Variants in ZNF804A observed in about 807,000 individuals in gnomAD.
The protein encoded by ZNF804A is zinc finger protein 804A.
ZNF804A carries 2 observed loss-of-function variants against 16.5 expected under a neutral mutation model. The observed-to-expected ratio is 0.12, with a 90% CI of 0.05 to 0.38. ZNF804A has a LOEUF of 0.38. ZNF804A is among the 10% of genes least tolerant of loss of function. The pLI, the probability that ZNF804A is intolerant of heterozygous loss-of-function variation, is 0.99. For missense variants in ZNF804A, 1,473 were observed against 1,390.7 expected (o/e 1.06, Z -0.94); for synonymous variants, 534 against 489.6 (o/e 1.09, Z -1.20).
At chr2:184,743,600 A>G (rs1176875856) in intron 1 of ZNF804A, among the ~76,000 whole-genome samples, 1 of 151,958 alleles carries the variant, frequency 6.6e-6, no homozygotes, top group East Asian at 1.9e-4. Context: ...CATACGTGGA[A>G]TGCATTGCAT....
chr2:184,858,485 C>T (rs1253238038), intron 1 of ZNF804A, among the ~76,000 whole-genome samples: 1 of 144,038 alleles, frequency 6.9e-6, no homozygotes, highest in Admixed American at 7.0e-5. Flanking sequence ...GCCTATGCAA[C>T]AGAGTGAGAC....
intron 2 of ZNF804A, among the ~76,000 whole-genome samples, chr2:184,877,630 T>C (rs1462201009): frequency 6.6e-6 from 1 of 152,084 alleles, no homozygotes; most frequent in African/African-American, 2.4e-5. Flanking sequence ...TCTAGTTGAA[T>C]ATGAGAATAA....
chr2:184,917,524 T>G (rs531783157), intron 2 of ZNF804A, among the ~76,000 whole-genome samples: 10 of 152,184 alleles, frequency 6.6e-5, no homozygotes, highest in Non-Finnish European at 1.2e-4. Context: ...TCAACTGTGT[T>G]CTGAAAATAG....
chr2:184,783,940 TCAC>T (rs1694409892), intron 1 of ZNF804A, among the ~76,000 whole-genome samples: 1 of 152,096 alleles, frequency 6.6e-6, no homozygotes, highest in South Asian at 2.1e-4. Context: ...TTTAAGACAA[TCAC>T]CACATTTAGA....
At chr2:184,869,832 A>G (rs190036014) in intron 2 of ZNF804A, among the ~76,000 whole-genome samples, 1 of 151,974 alleles carries the variant, frequency 6.6e-6, no homozygotes, top group Non-Finnish European at 1.5e-5. Context: ...GTTGCTTTGA[A>G]CTCTAAACTT....
intron 1 of ZNF804A, among the ~76,000 whole-genome samples, chr2:184,832,804 G>T (rs1289833564): frequency 6.6e-6 from 1 of 151,768 alleles, no homozygotes; most frequent in African/African-American, 2.4e-5. Flanking sequence ...TATACCAAAA[G>T]TTCATTGTGT....
At position 184,937,562 on chromosome 2, in the gene ZNF804A, CTGT is replaced by C. The variant is rs751299079; in HGVS notation, c.2172_2174del (p.Cys724del). The C allele has an allele frequency of 4.3e-6, 7 of 1,612,156 alleles. No individual in the cohort carries two copies. The highest frequency in any genetic ancestry group is 1.7e-4 in the Middle Eastern group (1 of 6,046). On this transcript the variant is annotated inframe_deletion, in exon 4 of 4. Coordinates refer to ENST00000302277, the MANE Select transcript of ZNF804A (RefSeq NM_194250.2). ...ATAATTTAACATATTCTAGAACTTA[CTGT>C]TGTTGGAAAACCAAAATGTCAAGCT... is the stretch of plus-strand genomic sequence containing the variant.
intron 1 of ZNF804A, among the ~76,000 whole-genome samples, chr2:184,679,524 T>C (rs1475701102): frequency 6.6e-6 from 1 of 152,070 alleles, no homozygotes; most frequent in Non-Finnish European, 1.5e-5. Flanking sequence ...ATCTCTGCAC[T>C]CCCGGGGGCT....
chr2:184,872,390 AT>A (rs1253333629), intron 2 of ZNF804A, among the ~76,000 whole-genome samples: 6 of 152,152 alleles, frequency 3.9e-5, no homozygotes, highest in African/African-American at 1.4e-4. Flanking sequence ...CAAAGCTATC[AT>A]TATATTATTC....
intron 2 of ZNF804A, among the ~76,000 whole-genome samples, chr2:184,908,051 A>C (rs1283297056): frequency 6.6e-6 from 1 of 152,136 alleles, no homozygotes. Context: ...CTTGGGTACT[A>C]TATTAGTTTC....
chr2:184,820,570 A>C (rs1695060731), intron 1 of ZNF804A, among the ~76,000 whole-genome samples: 1 of 152,172 alleles, frequency 6.6e-6, no homozygotes. Context: ...TTGCAAGGAC[A>C]ATCAGGCAAG....
chr2:184,764,678 G>A (rs1300738310), intron 1 of ZNF804A, among the ~76,000 whole-genome samples: 1 of 152,010 alleles, frequency 6.6e-6, no homozygotes, highest in Non-Finnish European at 1.5e-5. Context: ...GAAATGTAAT[G>A]TCTATAAATA....
rs144783531 is a variant in ZNF804A at position 184,847,130 on chromosome 2, C to T, written c.112-19239C>T. ...CAGTTCTCAGAAATGTGAACATTAA[C>T]GTATCTTTCTTTATTACTGTTGAGT... On this transcript the variant is annotated intron_variant, in intron 1 of 3. Coordinates refer to ENST00000302277, the MANE Select transcript of ZNF804A (RefSeq NM_194250.2). Among the ~76,000 whole-genome samples the T allele has an allele frequency of 3.4e-4, 51 of 152,204 alleles. No homozygotes were observed. In the East Asian group the frequency reaches 5.4e-3, roughly 16 times the overall value.
intron 1 of ZNF804A, among the ~76,000 whole-genome samples, chr2:184,827,326 C>A (rs1440192615): frequency 1.3e-5 from 2 of 150,088 alleles, no homozygotes; most frequent in Non-Finnish European, 3.0e-5. Context: ...TAGGCCCCCA[C>A]ACACTCACTT....
intron 1 of ZNF804A, among the ~76,000 whole-genome samples, chr2:184,710,130 T>A (rs994623676): frequency 6.6e-6 from 1 of 151,422 alleles, no homozygotes; most frequent in Non-Finnish European, 1.5e-5. Context: ...TGGTCTTGTA[T>A]TTTTAATTTA....
intron 1 of ZNF804A, among the ~76,000 whole-genome samples, chr2:184,864,875 A>ATTTTTTTTTTTTTTTTTTTTTTTT (rs34114485): frequency 3.8e-5 from 4 of 105,484 alleles, no homozygotes; most frequent in African/African-American, 9.0e-5. Flanking sequence ...TATAGTTAGG[A>ATTTTTTTTTTTTTTTTTTTTTTTT]TTTTTTTTTT....
At chr2:184,856,101 A>G (rs967174424) in intron 1 of ZNF804A, among the ~76,000 whole-genome samples, 4 of 152,112 alleles carry the variant, frequency 2.6e-5, no homozygotes, top group African/African-American at 7.2e-5. Flanking sequence ...AAGCTCCTAT[A>G]GACAACATAG....
chr2:184,749,578 T>A (rs780082311), intron 1 of ZNF804A, among the ~76,000 whole-genome samples: 14 of 151,350 alleles, frequency 9.3e-5, no homozygotes, highest in Non-Finnish European at 2.1e-4. Context: ...TTCTTTCTCT[T>A]GCCTCATTAC....
At chr2:184,611,134 G>C (rs775198422) in intron 1 of ZNF804A, among the ~76,000 whole-genome samples, 2 of 152,032 alleles carry the variant, frequency 1.3e-5, no homozygotes, top group Non-Finnish European at 2.9e-5. Context: ...TCCCATATGG[G>C]GGAAGTGGGC....
Sources: gnomAD v4.1 joint callset for allele counts (sites outside exome capture counted in the v4.1 genomes callset) on GRCh38, gnomAD v4.1.1 for gene constraint, MANE v1.5 for transcripts, NCBI Gene and HGNC (gene_info 2026-07-23, HGNC 2026-07-21) for gene names.